Variants in PCDHAC2 observed in about 807,000 individuals in gnomAD.
PCDHAC2 encodes protocadherin alpha-C2.
In PCDHAC2, 24 loss-of-function variants were observed where a neutral mutation model predicts 63.3. The ratio of observed to expected loss-of-function variants is 0.38; its 90% CI spans 0.27 to 0.53. The LOEUF is 0.53. Among genes scored for constraint, PCDHAC2 ranks in the 20% least tolerant of loss-of-function variants. The pLI is 0.81. For synonymous variants in PCDHAC2, 569 were observed against 529.4 expected (o/e 1.07, Z -1.03); for missense variants, 1,181 against 1,275.2 (o/e 0.93, Z 1.12).
chr5:141,000,468 C>T (rs2097940295), intron 3 of PCDHAC2, among the ~76,000 whole-genome samples: 1 of 107,380 alleles, frequency 9.3e-6, no homozygotes, highest in Non-Finnish European at 1.8e-5. Context: ...GCTCTTGTTG[C>T]CCAAGCTGGA....
In PCDHAC2 at chr5:140,968,253, C is replaced by A. The variant is rs782229675; in HGVS notation, c.1487C>A (p.Pro496Gln). The A allele has an allele frequency of 1.9e-6, 3 of 1,613,908 alleles. No homozygotes were observed. The highest frequency in any genetic ancestry group is 2.5e-6 in the Non-Finnish European group (3 of 1,179,974). ...VLLCTVQATDPDEKENAEVTY... is the reference protein window; with the variant it reads ...VLLCTVQATDQDEKENAEVTY... ...CTCTGTACTGTGCAAGCCACAGACC[C>A]AGATGAAAAGGAGAATGCAGAGGTG... The change falls in exon 1 of 4, where the codon CCA becomes CAA. Residue 496 changes from proline to glutamine, a missense_variant. This residue lies in a region of PCDHAC2 where 968 missense variants were observed against 1,073.5 expected (regional missense o/e 0.90). Coordinates refer to ENST00000289269, the MANE Select transcript of PCDHAC2 (RefSeq NM_018899.6).
intron 3 of PCDHAC2, among the ~76,000 whole-genome samples, chr5:140,992,190 A>C (rs1452489619): frequency 1.3e-5 from 2 of 152,134 alleles, no homozygotes; most frequent in African/African-American, 2.4e-5. Flanking sequence ...GCTTTCAGTG[A>C]TCTATCCAAT....
At chr5:140,982,336 A>G in intron 2 of PCDHAC2, 139 bp from the exon 3 acceptor site, 1 of 1,449,074 alleles carries the variant, frequency 6.9e-7, no homozygotes, top group Non-Finnish European at 9.2e-7. Context: ...GCTCAGCAGT[A>G]ATTGCTTCAG....
intron 2 of PCDHAC2, among the ~76,000 whole-genome samples, chr5:140,982,139 A>G (rs1381844546): frequency 1.3e-5 from 2 of 152,260 alleles, no homozygotes; most frequent in Non-Finnish European, 2.9e-5. Flanking sequence ...AGCCCTCCTC[A>G]TCTGCTTCAG....
intron 3 of PCDHAC2, among the ~76,000 whole-genome samples, chr5:141,000,403 A>G (rs1233777704): frequency 4.8e-5 from 4 of 84,110 alleles, no homozygotes; most frequent in Non-Finnish European, 9.0e-5. Context: ...CTCTATATAT[A>G]TATATATATA....
rs1554230254 is a variant in PCDHAC2 at position 140,968,046 on chromosome 5, T to A, written c.1280T>A (p.Leu427Gln). The change falls in exon 1 of 4, where the codon CTG becomes CAG. Residue 427 changes from leucine to glutamine, a missense_variant. Around this residue, in one of 3 missense-constraint regions of PCDHAC2, gnomAD observed 968 missense variants for 1,073.5 expected, o/e 0.90. Coordinates refer to ENST00000289269, the MANE Select transcript of PCDHAC2 (RefSeq NM_018899.6). Reference sequence around the variant, plus strand: ...TATACACTGGTGGTGAGCGGCCCACTGGACCGAGAGCGGGTGGCTGTCTAC... The same window carrying A: ...TATACACTGGTGGTGAGCGGCCCACAGGACCGAGAGCGGGTGGCTGTCTAC... ...NSYTLVVSGP[L>Q]DRERVAVYNI... is the part of the protein sequence containing the mutation. The A allele has an allele frequency of 1.2e-6, 2 of 1,614,072 alleles. No homozygotes were observed. Among genetic ancestry groups the A allele is most frequent in the African/African-American group, 1.3e-5 (1 of 74,930 alleles).
chr5:140,994,377 G>C (rs1260163825), intron 3 of PCDHAC2, among the ~76,000 whole-genome samples: 3 of 152,098 alleles, frequency 2.0e-5, no homozygotes, highest in Non-Finnish European at 4.4e-5. Context: ...GGAAATTCAG[G>C]GGACTAAGTC....
At chr5:140,977,925 A>G (rs782072280) in intron 1 of PCDHAC2, among the ~76,000 whole-genome samples, 8 of 152,152 alleles carry the variant, frequency 5.3e-5, no homozygotes, top group Non-Finnish European at 1.0e-4. Flanking sequence ...TTTTCATTCA[A>G]CTATACCTCA....
chr5:140,975,686 A>G (rs558112597), intron 1 of PCDHAC2, among the ~76,000 whole-genome samples: 1 of 152,328 alleles, frequency 6.6e-6, no homozygotes, highest in East Asian at 1.9e-4. Flanking sequence ...AAAATAGGGT[A>G]TTTTAAACTT....
chr5:141,010,446 C>G lies in PCDHAC2; in HGVS notation c.*509C>G, dbSNP rs951181939. 39 of 944,590 alleles carry G rather than the reference C, an allele frequency of 4.1e-5. No homozygotes were observed. Among genetic ancestry groups the G allele is most frequent in the Non-Finnish European group, 5.6e-5 (37 of 656,282 alleles). The allele number at this position is 944,590 out of a possible 1,614,324, so 58.5% of individuals were successfully genotyped here. On this transcript the variant is annotated 3_prime_UTR_variant, in exon 4 of 4. Coordinates refer to ENST00000289269, the MANE Select transcript of PCDHAC2 (RefSeq NM_018899.6). ...AGGCAAGAAAACAAAGACAAATAAA[C>G]AGCGGAAGTTATCAGTATGGAGGGG...
At chr5:140,974,151 G>A (rs2096617637) in intron 1 of PCDHAC2, among the ~76,000 whole-genome samples, 1 of 152,118 alleles carries the variant, frequency 6.6e-6, no homozygotes, top group Non-Finnish European at 1.5e-5. Context: ...ACTATACAAG[G>A]GTTTTTCTTT....
intron 1 of PCDHAC2, among the ~76,000 whole-genome samples, chr5:140,978,440 T>G (rs1238163577): frequency 2.0e-5 from 3 of 152,244 alleles, no homozygotes; most frequent in African/African-American, 7.2e-5. Context: ...GCTGGTGTTA[T>G]GACTGGGCAC....
chr5:140,971,541 G>C (rs544682624), intron 1 of PCDHAC2, among the ~76,000 whole-genome samples: 1 of 152,290 alleles, frequency 6.6e-6, no homozygotes, highest in Non-Finnish European at 1.5e-5. Flanking sequence ...ATCATTGCCA[G>C]ATCAACCTGT....
Position 141,009,979 on chromosome 5 carries a change from T to C in PCDHAC2, c.*42T>C. 2.5e-6 allele frequency: 4 copies of C among 1,583,392 alleles called. No individual in the cohort carries two copies. Among genetic ancestry groups the C allele is most frequent in the Non-Finnish European group, 3.4e-6 (4 of 1,168,152 alleles). On this transcript the variant is annotated 3_prime_UTR_variant, in exon 4 of 4. Coordinates refer to ENST00000289269, the MANE Select transcript of PCDHAC2 (RefSeq NM_018899.6). The stretch of plus-strand genomic sequence containing the variant: ...CAAGCCACTTAGCCAGTTTTTGTAA[T>C]AATGGCAAATCTCTCCCATGTAGCA...
intron 3 of PCDHAC2, among the ~76,000 whole-genome samples, chr5:141,006,182 T>G (rs1388785445): frequency 1.3e-5 from 2 of 151,170 alleles, no homozygotes; most frequent in Non-Finnish European, 2.9e-5. Flanking sequence ...TTTAAAAGAG[T>G]TTGCTATATG....
chr5:141,007,181 G>A (rs372000063), intron 3 of PCDHAC2, among the ~76,000 whole-genome samples: 1 of 152,134 alleles, frequency 6.6e-6, no homozygotes, highest in East Asian at 1.9e-4. Context: ...AAGGTCAGGA[G>A]AATGTTTTGA....
chr5:140,974,720 C>T (rs1554236283), intron 1 of PCDHAC2, among the ~76,000 whole-genome samples: 1 of 152,070 alleles, frequency 6.6e-6, no homozygotes, highest in African/African-American at 2.4e-5. Context: ...AAGCTGCTCT[C>T]GAACTCCTGT....
chr5:140,969,149 G>T lies in PCDHAC2; in HGVS notation c.2383G>T (p.Ala795Ser), dbSNP rs782510891. The T allele has an allele frequency of 5.6e-6, 9 of 1,614,120 alleles. No individual in the cohort carries two copies. Among genetic ancestry groups the T allele is most frequent in the Admixed American group, 1.7e-5 (1 of 60,022 alleles). Reference sequence around the variant, plus strand: ...CCTCACCAAGACCTACTGCTACAAGGCCTGTCTGACAGCAGGCTCAGGGAG... The same window carrying T: ...CCTCACCAAGACCTACTGCTACAAGTCCTGTCTGACAGCAGGCTCAGGGAG... Reference protein sequence around the residue: ...GSLTKTYCYKACLTAGSGSDT... With the variant: ...GSLTKTYCYKSCLTAGSGSDT... The change falls in exon 1 of 4, where the codon GCC becomes TCC. Residue 795 changes from alanine to serine, a missense_variant. This residue lies in a region of PCDHAC2 where 968 missense variants were observed against 1,073.5 expected (regional missense o/e 0.90). Transcript: ENST00000289269.
intron 1 of PCDHAC2, among the ~76,000 whole-genome samples, chr5:140,976,508 G>A (rs1039409709): frequency 6.6e-6 from 1 of 151,976 alleles, no homozygotes; most frequent in Non-Finnish European, 1.5e-5. Context: ...CCAAGATCGC[G>A]CCACTGCACA....
Sources: gnomAD v4.1 joint callset for allele counts (sites outside exome capture counted in the v4.1 genomes callset) on GRCh38, gnomAD v4.1.1 for gene constraint, gnomAD v4.1.1 regional missense constraint, MANE v1.5 for transcripts, NCBI Gene and HGNC (gene_info 2026-07-23, HGNC 2026-07-21) for gene names.